Variants in MORN3 observed in about 807,000 individuals in gnomAD.
The protein encoded by MORN3 is MORN repeat-containing protein 3.
In MORN3, 38 loss-of-function variants were observed where a neutral mutation model predicts 34.7. The ratio of observed to expected loss-of-function variants is 1.10; its 90% CI spans 0.85 to 1.44. The LOEUF is 1.44. Among genes scored for constraint, MORN3 ranks in the 40% most tolerant of loss-of-function variants. The probability of loss-of-function intolerance (pLI) is 0.00; values close to 1 mark genes in which losing one functional copy is unlikely to be tolerated. For missense variants in MORN3, 311 were observed against 321.7 expected (o/e 0.97, Z 0.25); for synonymous variants, 109 against 115.3 (o/e 0.95, Z 0.35).
intron 2 of MORN3, among the ~76,000 whole-genome samples, chr12:121,654,994 A>C (rs1594223155): frequency 6.6e-6 from 1 of 150,594 alleles, no homozygotes; most frequent in Non-Finnish European, 1.5e-5. Flanking sequence ...TTACTGACCC[A>C]CCCTCTCCTC....
chr12:121,656,904 CG>C (rs755750530), intron 2 of MORN3, among the ~76,000 whole-genome samples: 132 of 152,254 alleles, frequency 8.7e-4, no homozygotes, highest in Middle Eastern at 6.8e-3. Context: ...CCATATTCTA[CG>C]TAAATTGGTT....
upstream of MORN3, among the ~76,000 whole-genome samples, chr12:121,670,680 G>C (rs149482004): frequency 0.032 from 4,927 of 151,946 alleles, 155 homozygotes; most frequent in East Asian, 0.17. Context: ...CTGGTGGTAC[G>C]CGCCTGTAAT....
intron 1 of MORN3, among the ~76,000 whole-genome samples, chr12:121,667,126 T>C (rs1227819029): frequency 2.0e-5 from 3 of 151,382 alleles, no homozygotes; most frequent in African/African-American, 7.3e-5. Flanking sequence ...ATGTCTGGTC[T>C]AATTTTTGTA....
intron 1 of MORN3, among the ~76,000 whole-genome samples, chr12:121,667,211 C>G (rs1893792014): frequency 1.3e-5 from 2 of 152,000 alleles, no homozygotes; most frequent in Admixed American, 1.3e-4. Flanking sequence ...ATATGCCTGT[C>G]TCGGCCTCCC....
intron 1 of MORN3, among the ~76,000 whole-genome samples, chr12:121,665,764 C>CAAAAAAAAAAA (rs59071462): frequency 2.0e-5 from 1 of 50,580 alleles, no homozygotes; most frequent in Non-Finnish European, 3.9e-5. Context: ...GACTCTGTCT[C>CAAAAAAAAAAA]AAAAAAAAAA....
intron 1 of MORN3, among the ~76,000 whole-genome samples, chr12:121,667,675 A>C (rs1341537881): frequency 6.6e-6 from 1 of 150,986 alleles, no homozygotes; most frequent in Admixed American, 6.6e-5. Context: ...CTTCTATGCT[A>C]GTTCCTGCAA....
rs371338501 is a variant in MORN3, at chr12:121,667,873, A to G, written c.145+1466T>C. On this transcript the variant is annotated intron_variant, in intron 1 of 5. Coordinates refer to ENST00000355329, the MANE Select transcript of MORN3 (RefSeq NM_173855.5). ...CGAGTAGCTGGGACTACAGGCGCCCACTACCACAGCCAGCTAATTTTTTGT... is the reference window on the plus strand; with the variant it reads ...CGAGTAGCTGGGACTACAGGCGCCCGCTACCACAGCCAGCTAATTTTTTGT... 3.3e-5 allele frequency among the ~76,000 whole-genome samples: 5 copies of G among 151,748 alleles called. No individual in the cohort carries two copies. In the South Asian group the frequency reaches 8.3e-4, roughly 25 times the overall value.
At chr12:121,660,658 CTTT>C (rs1228083988) in intron 1 of MORN3, among the ~76,000 whole-genome samples, 2 of 94,728 alleles carry the variant, frequency 2.1e-5, no homozygotes, top group Non-Finnish European at 4.2e-5. Flanking sequence ...CTTTTTTTTT[CTTT>C]CTTTCTTTCT....
upstream of MORN3, among the ~76,000 whole-genome samples, chr12:121,672,368 G>T (rs1322645912): frequency 6.6e-6 from 1 of 152,116 alleles, no homozygotes; most frequent in East Asian, 1.9e-4. Flanking sequence ...GCTGAGGTGG[G>T]AAGATGCCTT....
At chr12:121,654,812 G>C (rs143376606) in intron 2 of MORN3, among the ~76,000 whole-genome samples, 5,474 of 151,546 alleles carry the variant, frequency 0.036, 365 homozygotes, top group African/African-American at 0.13. Context: ...TGGCCAGGCT[G>C]GTCTTGAACT....
intron 3 of MORN3, 32 bp downstream of exon 3, chr12:121,654,242 G>A: frequency 6.6e-7 from 1 of 1,511,546 alleles, no homozygotes; most frequent in Non-Finnish European, 8.9e-7. Context: ...GCGTGGTCGG[G>A]TGGGCGGGGC....
chr12:121,656,607 T>C (rs1209728523), intron 2 of MORN3, among the ~76,000 whole-genome samples: 1 of 152,138 alleles, frequency 6.6e-6, no homozygotes, highest in Non-Finnish European at 1.5e-5. Context: ...CTCTGCCTCC[T>C]GGCTTCAAGC....
intron 2 of MORN3, 73 bp from the exon 3 acceptor site, chr12:121,654,506 A>C: frequency 6.8e-7 from 1 of 1,471,702 alleles, no homozygotes; most frequent in South Asian, 1.3e-5. Flanking sequence ...CTTCCCAGGC[A>C]CCCCTAGAGC....
At chr12:121,658,400 A>T (rs1382188691) in intron 2 of MORN3, among the ~76,000 whole-genome samples, 1 of 151,494 alleles carries the variant, frequency 6.6e-6, no homozygotes, top group Non-Finnish European at 1.5e-5. Context: ...CCCCGTCTTT[A>T]CTGAAAATAC....
intron 2 of MORN3, among the ~76,000 whole-genome samples, chr12:121,656,330 A>G (rs1288357678): frequency 1.3e-5 from 2 of 151,696 alleles, no homozygotes; most frequent in Admixed American, 1.3e-4. Flanking sequence ...CCTGCCCTGA[A>G]TTCCCTCTTT....
At chr12:121,670,200 A>G (rs1893916153), upstream of MORN3, among the ~76,000 whole-genome samples, 1 of 151,956 alleles carries the variant, frequency 6.6e-6, no homozygotes, top group African/African-American at 2.4e-5. Flanking sequence ...AACCCAAAAT[A>G]TGGGTTACAT....
chr12:121,660,339 TTTTC>T (rs1239000379), intron 1 of MORN3, among the ~76,000 whole-genome samples: 183 of 134,346 alleles, frequency 1.4e-3, no homozygotes, highest in African/African-American at 5.0e-3. Context: ...TTCTCTTTTT[TTTTC>T]TTTCTTTCTT....
chr12:121,659,260 G>T lies in MORN3; in HGVS notation c.234C>A (p.Ser78Arg). The change falls in exon 2 of 6, where the codon AGC becomes AGA. Residue 78 changes from serine (S) to arginine (R), a missense_variant. Transcript: ENST00000355329. ...FGKRDGYGTL[S>R]LPDQQTGKCR... ...ACTTTCCTGTCTGTTGGTCAGGAAG[G>T]CTGAGGGTGCCGTAGCCGTCTCGCT... is the stretch of plus-strand genomic sequence containing the variant. 1 of 1,614,042 alleles carries T rather than the reference G, an allele frequency of 6.2e-7. No homozygotes were observed. Among genetic ancestry groups the T allele is most frequent in the Non-Finnish European group, 8.5e-7 (1 of 1,180,022 alleles).
At chr12:121,665,764 C>CAAAAA (rs59071462) in intron 1 of MORN3, among the ~76,000 whole-genome samples, 6 of 50,562 alleles carry the variant, frequency 1.2e-4, no homozygotes, top group Non-Finnish European at 1.5e-4. Context: ...GACTCTGTCT[C>CAAAAA]AAAAAAAAAA....
Sources: gnomAD v4.1 joint callset for allele counts (sites outside exome capture counted in the v4.1 genomes callset) on GRCh38, gnomAD v4.1.1 for gene constraint, MANE v1.5 for transcripts, NCBI Gene and HGNC (gene_info 2026-07-23, HGNC 2026-07-21) for gene names.